Variants in KMT2E observed in about 807,000 individuals in gnomAD.
KMT2E encodes lysine methyltransferase 2E (inactive).
KMT2E carries 30 observed loss-of-function variants against 184.6 expected under a neutral mutation model. The observed-to-expected ratio is 0.16, with a 90% CI of 0.12 to 0.22. The LOEUF (loss-of-function observed/expected upper bound fraction) is 0.22. KMT2E is among the 10% of genes least tolerant of loss of function. The probability of loss-of-function intolerance (pLI) is 1.00; values close to 1 mark genes in which losing one functional copy is unlikely to be tolerated. For missense variants in KMT2E, 2,023 were observed against 2,237.4 expected, an observed-to-expected ratio of 0.90 and a Z score of 1.93; for synonymous variants, 815 against 776.5, an observed-to-expected ratio of 1.05 and a Z score of -0.82.
At position 105,107,659 on chromosome 7, in the gene KMT2E, G is replaced by T. The variant is rs371435040; in HGVS notation, c.3202G>T (p.Val1068Leu). ...SGRGTMYSSW[V>L]KSPDRTGVNF... ...ACGGGGCACAATGTATTCTTCCTGG[G>T]TAAAGAGCCCTGACAGAACAGGAGT... is the stretch of plus-strand genomic sequence containing the variant. Residue 1068 changes from valine to leucine, a missense_variant, in exon 22 of 27, where the codon GTA (valine) becomes TTA (leucine). By Grantham distance (32) the Val-to-Leu change is conservative. This residue lies in a region of KMT2E where 1,108 missense variants were observed against 1,050.9 expected (regional missense o/e 1.05). Transcript: ENST00000311117. The T allele has an allele frequency of 1.4e-5, 23 of 1,614,000 alleles. No homozygotes were observed. The African/African-American group carries it at 2.8e-4, about 20-fold the overall frequency.
intron 1 of KMT2E, among the ~76,000 whole-genome samples, chr7:105,017,427 G>GTT (rs1205679684): frequency 8.8e-6 from 1 of 113,328 alleles, no homozygotes; most frequent in Non-Finnish European, 2.0e-5. Flanking sequence ...GTTTTTTTTT[G>GTT]TTTTTTGTTT....
intron 3 of KMT2E, among the ~76,000 whole-genome samples, chr7:105,059,978 G>GATTTTTTTTTTTT (rs1796733911): frequency 1.9e-5 from 1 of 51,764 alleles, no homozygotes; most frequent in Non-Finnish European, 4.0e-5. Context: ...TCTTGTTGTT[G>GATTTTTTTTTTTT]TTTTTTTTTT....
At chr7:105,042,449 G>C (rs953711735) in intron 3 of KMT2E, among the ~76,000 whole-genome samples, 3 of 152,128 alleles carry the variant, frequency 2.0e-5, no homozygotes, top group African/African-American at 4.8e-5. Flanking sequence ...CCTACTTTGA[G>C]CAATGTGTTT....
At chr7:105,040,808 T>C (rs1369229458) in intron 2 of KMT2E, 31 bp from the exon 3 acceptor site, 2 of 492,178 alleles carry the variant, frequency 4.1e-6, no homozygotes, top group African/African-American at 1.9e-5. Flanking sequence ...AGTGTGACTG[T>C]TGCTTTTTTG....
At chr7:105,108,032 TTATTA>T in intron 22 of KMT2E, 107 bp downstream of exon 22, 2 of 619,344 alleles carry the variant, frequency 3.2e-6, no homozygotes, top group East Asian at 1.0e-4. Flanking sequence ...CTTAATTTAG[TTATTA>T]AAGTTACATT....
chr7:105,068,502 A>G (rs926593630), intron 6 of KMT2E, among the ~76,000 whole-genome samples: 1 of 151,334 alleles, frequency 6.6e-6, no homozygotes, highest in South Asian at 2.1e-4. Flanking sequence ...CGAACAGGCT[A>G]CGTGTGACCA....
chr7:105,060,314 G>A (rs1200928764), intron 3 of KMT2E, among the ~76,000 whole-genome samples: 1 of 151,990 alleles, frequency 6.6e-6, no homozygotes, highest in Non-Finnish European at 1.5e-5. Context: ...ACATAACAAC[G>A]TTTCAGTCAA....
At chr7:105,104,322 C>T (rs1034224481) in intron 17 of KMT2E, 5 of 152,044 alleles carry the variant, frequency 3.3e-5, no homozygotes, top group African/African-American at 1.2e-4. Context: ...TGAAAAATTT[C>T]AAAGCACAAG....
At chr7:105,073,593 A>G in intron 6 of KMT2E, 26 bp from the exon 7 acceptor site, 1 of 1,453,734 alleles carries the variant, frequency 6.9e-7, no homozygotes, top group South Asian at 1.2e-5. Context: ...TATTTGATAA[A>G]TAATTATGCT....
chr7:105,079,069 G>A (rs1797647659), intron 12 of KMT2E, 106 bp downstream of exon 12: 1 of 615,592 alleles, frequency 1.6e-6, no homozygotes, highest in Admixed American at 2.5e-5. Flanking sequence ...CTTTCCACCT[G>A]TTGGTGCATT....
At position 105,093,260 on chromosome 7, in the gene KMT2E, A is replaced by G. The variant is rs75571415; in HGVS notation, c.1722+1946A>G. Among the ~76,000 whole-genome samples, 518 of 152,326 alleles carry G rather than the reference A, an allele frequency of 3.4e-3. 2 individuals are homozygous for G. Among genetic ancestry groups the G allele is most frequent in the African/African-American group, 0.012 (483 of 41,566 alleles). ...GGGTTTGTTCTTTGCCCGTAAATAC[A>G]GTAATTTTATTCAGATTGAATTCTC... On this transcript the variant is annotated intron_variant, in intron 15 of 26. Transcript: ENST00000311117.
At chr7:105,056,960 G>T (rs926895935) in intron 3 of KMT2E, among the ~76,000 whole-genome samples, 2 of 152,168 alleles carry the variant, frequency 1.3e-5, no homozygotes, top group African/African-American at 4.8e-5. Flanking sequence ...CGTTATAAAA[G>T]AGTTTGGAAG....
chr7:105,076,179 T>C, intron 9 of KMT2E, 98 bp downstream of exon 9: 1 of 841,306 alleles, frequency 1.2e-6, no homozygotes, highest in Non-Finnish European at 2.0e-6. Context: ...CTGTTTATTG[T>C]GTGTCATGTC....
At chr7:105,070,537 G>A (rs953768468) in intron 6 of KMT2E, among the ~76,000 whole-genome samples, 2 of 150,880 alleles carry the variant, frequency 1.3e-5, no homozygotes, top group East Asian at 3.9e-4. Flanking sequence ...AGGAGGCTGA[G>A]GCATGAGAAT....
chr7:105,067,918 G>A (rs578220297), intron 6 of KMT2E, among the ~76,000 whole-genome samples: 9 of 152,266 alleles, frequency 5.9e-5, no homozygotes, highest in Admixed American at 5.9e-4. Flanking sequence ...GCTGCAGTGA[G>A]GCATGGTCAT....
intron 1 of KMT2E, among the ~76,000 whole-genome samples, chr7:105,022,218 A>C (rs1794984289): frequency 6.6e-6 from 1 of 151,486 alleles, no homozygotes; most frequent in Admixed American, 6.6e-5. Context: ...AGTTGTCCCT[A>C]TTATGTCCTT....
At chr7:105,094,552 G>T (rs1181601534) in intron 15 of KMT2E, among the ~76,000 whole-genome samples, 1 of 152,158 alleles carries the variant, frequency 6.6e-6, no homozygotes, top group Non-Finnish European at 1.5e-5. Flanking sequence ...CCATCAAAAA[G>T]TTCTGGATTT....
Position 105,032,757 on chromosome 7 carries a change from G to T in KMT2E, c.-188-5369G>T, listed in dbSNP as rs190493121. On this transcript the variant is annotated intron_variant, in intron 1 of 26. Coordinates refer to ENST00000311117, the MANE Select transcript of KMT2E (RefSeq NM_182931.3). Reference sequence around the variant, plus strand: ...TGGCCTCAAGCAGTCCTCCTGCCTTGGCCTCCCAAAATGTGGGATAACAGT... The same window carrying T: ...TGGCCTCAAGCAGTCCTCCTGCCTTTGCCTCCCAAAATGTGGGATAACAGT... Among the ~76,000 whole-genome samples, 1,050 of 152,238 alleles carry T rather than the reference G, an allele frequency of 6.9e-3. 17 individuals are homozygous for T. The highest frequency in any genetic ancestry group is 0.024 in the African/African-American group (1,004 of 41,522).
At chr7:105,023,649 G>A (rs963059933) in intron 1 of KMT2E, among the ~76,000 whole-genome samples, 1 of 151,980 alleles carries the variant, frequency 6.6e-6, no homozygotes, top group African/African-American at 2.4e-5. Flanking sequence ...GTTTTACTAT[G>A]TTAGGCAAGA....
Sources: allele counts gnomAD v4.1 joint callset (sites outside exome capture counted in the v4.1 genomes callset), GRCh38; gene constraint gnomAD v4.1.1; regional missense constraint gnomAD v4.1.1; transcripts MANE v1.5; gene names NCBI Gene and HGNC (gene_info 2026-07-23, HGNC 2026-07-21).